The following TTN variants were observed in gnomAD, a reference collection of about 807,000 sequenced individuals.
The protein encoded by TTN is connectin.
Under a neutral mutation model 3,223.0 loss-of-function variants are expected in TTN, and 1,525 were observed. The observed-to-expected ratio is 0.47, with a 90% CI of 0.45 to 0.49. The LOEUF (loss-of-function observed/expected upper bound fraction) is 0.49, where lower values mean the gene tolerates loss of function less well. Ranked by LOEUF, TTN falls within the 20% of genes least tolerant of loss-of-function variation. TTN has a pLI of 0.00. For synonymous variants in TTN, 14,094 were observed against 15,161.0 expected, an observed-to-expected ratio of 0.93 and a Z score of 5.17; for missense variants, 40,786 against 43,424.0, an observed-to-expected ratio of 0.94 and a Z score of 5.40.
In TTN at chr2:178,543,244, T is replaced by G; in HGVS notation, c.96729A>C (p.Lys32243Asn). 2 of 1,613,848 alleles carry G rather than the reference T, an allele frequency of 1.2e-6. No homozygotes were observed. The highest frequency in any genetic ancestry group is 1.7e-6 in the Non-Finnish European group (2 of 1,179,796). The change falls in exon 347 of 363, where the codon AAA becomes AAC. Residue 32243 changes from lysine to asparagine, a missense_variant. Transcript: ENST00000589042. ...CCTTCATCCATCTCTCTGTGCCAGC[T>G]TTGCAGGCCTCGAGAACATATCCAG... ...RLTGYVLEAC[K>N]AGTERWMKVV...
In TTN at chr2:178,782,944, C is replaced by T; in HGVS notation, c.2962G>A (p.Asp988Asn). 2 of 1,614,098 alleles carry T rather than the reference C, an allele frequency of 1.2e-6. No individual in the cohort carries two copies. The highest frequency in any genetic ancestry group is 1.7e-6 in the Non-Finnish European group (2 of 1,179,994). The change falls in exon 18 of 363, where the codon GAC (aspartate) becomes AAC (asparagine). Residue 988 changes from aspartate (D) to asparagine (N), a missense_variant. By Grantham distance (23) the Asp-to-Asn change is conservative. Coordinates refer to ENST00000589042, the MANE Select transcript of TTN (RefSeq NM_001267550.2). ...REDYQIESSI[D>N]FQITFQSGIA... ...CCACTCTGGAAGGTTATCTGGAAGT[C>T]AATGGAACTTTCGATTTGGTAGTCT...
Position 178,587,739 on chromosome 2 carries a change from G to T in TTN, c.63570C>A (p.Cys21190Ter). ...TCACTATAGCAAAGAGACGAATAGG[G>T]CATCCTGCTCTCACTATGACCAGTT... The part of the protein sequence containing the change: ...MRKLVIVRAG[C>*]PIRLFAIVRG... Residue 21190 changes from cysteine to a stop codon, truncating the protein, a stop_gained, in exon 306 of 363, where the codon TGC becomes TGA. Transcript: ENST00000589042. LOFTEE classifies it high-confidence loss of function. The T allele has an allele frequency of 6.2e-7, 1 of 1,612,538 alleles. No individual in the cohort carries two copies. Among genetic ancestry groups the T allele is most frequent in the Non-Finnish European group, 8.5e-7 (1 of 1,179,196 alleles).
At chr2:178,622,909 A>T in intron 242 of TTN, 142 bp from the exon 243 acceptor site, 1 of 689,356 alleles carries the variant, frequency 1.5e-6, no homozygotes. Flanking sequence ...AAATCACTTG[A>T]AGCTGCCCAT....
At chr2:178,529,387 T>C in intron 359 of TTN, 168 bp from the exon 360 acceptor site, 1 of 488,752 alleles carries the variant, frequency 2.0e-6, no homozygotes, top group Non-Finnish European at 3.5e-6. Context: ...AATTATCATG[T>C]GTGACTTTTG....
Position 178,718,793 on chromosome 2 carries a change from T to C in TTN, c.24407A>G (p.Glu8136Gly). 1 of 1,613,712 alleles carries C rather than the reference T, an allele frequency of 6.2e-7. No individual in the cohort carries two copies. Among genetic ancestry groups the C allele is most frequent in the Non-Finnish European group, 8.5e-7 (1 of 1,179,734 alleles). Reference protein sequence around the residue: ...ISLEDFVTELELFEVQPLESG... With the variant: ...ISLEDFVTELGLFEVQPLESG... ...TTCTAATGGCTGCACCTCAAACAAC[T>C]CCAGTTCTGTGACAAAATCTTCCAG... Residue 8136 changes from glutamate to glycine, a missense_variant, in exon 84 of 363, where the codon GAG becomes GGG. Physicochemically the swap from Glu to Gly is moderately conservative, Grantham distance 98. Transcript: ENST00000589042.
rs957555800 is a variant in TTN at position 178,563,595 on chromosome 2, C to G, written c.82537G>C (p.Gly27513Arg). 2 of 1,613,760 alleles carry G rather than the reference C, an allele frequency of 1.2e-6. No homozygotes were observed. The highest frequency in any genetic ancestry group is 1.7e-6 in the Non-Finnish European group (2 of 1,179,764). The change falls in exon 326 of 363, where the codon GGC (glycine) becomes CGC (arginine). Residue 27513 changes from glycine (G) to arginine (R), a missense_variant. Coordinates refer to ENST00000589042, the MANE Select transcript of TTN (RefSeq NM_001267550.2). The surrounding 1 kb of genome is among the most constrained non-coding windows in gnomAD (Gnocchi z 4.5). ...TTGTTGCACTTGGTCCATCTAACGC[C>G]TTCCTTATCTCGTTTTTCAAGAATG... ...GYILEKRDKE[G>R]VRWTKCNKKT...
rs1701807349 is a variant in TTN, at chr2:178,557,154, TAAGAG to T, written c.88010-15_88010-11del. The stretch of plus-strand genomic sequence containing the variant: ...ACATTTCTTGGGGGTTCTGTGGTAA[TAAGAG>T]AAGCAGATTAGCGGCACTTATAATA... On this transcript the variant is annotated splice_polypyrimidine_tract_variant and intron_variant, in intron 329 of 362. Coordinates refer to ENST00000589042, the MANE Select transcript of TTN (RefSeq NM_001267550.2). 2 of 1,612,944 alleles carry T rather than the reference TAAGAG, an allele frequency of 1.2e-6. No homozygotes were observed. The highest frequency in any genetic ancestry group is 1.7e-5 in the Admixed American group (1 of 59,874).
At position 178,712,560 on chromosome 2, in the gene TTN, T is replaced by C. The variant is rs774681899; in HGVS notation, c.27362A>G (p.Tyr9121Cys). ...CAGGGGTTTTCCTTTCTCTATGCTG[T>C]AATCATTCAGCCTCTTCACAAATTT... is the stretch of plus-strand genomic sequence containing the variant. ...PAKFVKRLND[Y>C]SIEKGKPLIL... The change falls in exon 95 of 363, where the codon TAC (tyrosine) becomes TGC (cysteine). Residue 9121 changes from tyrosine (Y) to cysteine (C), a missense_variant. Physicochemically the swap from Tyr to Cys is radical, Grantham distance 194. Transcript: ENST00000589042. The C allele has an allele frequency of 1.3e-5, 21 of 1,613,074 alleles. No homozygotes were observed. Among genetic ancestry groups the C allele is most frequent in the Non-Finnish European group, 1.6e-5 (19 of 1,179,510 alleles).
rs1060503937 is a variant in TTN at position 178,535,479 on chromosome 2, C to G, written c.101136G>C (p.Glu33712Asp). 6.2e-7 allele frequency: 1 copy of G among 1,613,842 alleles called. No individual in the cohort carries two copies. Among genetic ancestry groups the G allele is most frequent in the South Asian group, 1.1e-5 (1 of 91,082 alleles). The change falls in exon 358 of 363, where the codon GAG (glutamate) becomes GAC (aspartate). Residue 33712 changes from glutamate to aspartate, a missense_variant. By Grantham distance (45) the Glu-to-Asp change is conservative. Transcript: ENST00000589042. The part of the protein sequence containing the change: ...SRDSVNLTWT[E>D]PASDGGSKIT... ...TTTTGCTGCCACCATCAGAGGCTGG[C>G]TCAGTCCATGTTAAGTTGACAGAAT...
chr2:178,587,841 G>A (rs750142806), intron 305 of TTN, 41 bp from the exon 306 acceptor site: 2 of 1,566,912 alleles, frequency 1.3e-6, no homozygotes, highest in Admixed American at 3.6e-5. Context: ...TTTTCAGAAT[G>A]TGGGGAAATC....
At chr2:178,644,877 C>A in intron 217 of TTN, 1 of 366,174 alleles carries the variant, frequency 2.7e-6, no homozygotes, top group Non-Finnish European at 4.8e-6. Flanking sequence ...AAGAAATTTT[C>A]CTTTAAGCAT....
chr2:178,714,861 G>T, intron 90 of TTN, 125 bp downstream of exon 90: 2 of 1,272,666 alleles, frequency 1.6e-6, no homozygotes, highest in South Asian at 1.5e-5. Context: ...AAAAGGACTT[G>T]GAGAGGAAAC....
intron 68 of TTN, 63 bp from the exon 69 acceptor site, chr2:178,727,434 A>T: frequency 1.3e-6 from 2 of 1,514,618 alleles, no homozygotes; most frequent in Non-Finnish European, 1.8e-6. Context: ...GTTAAATTAG[A>T]TAGTATACAG....
At chr2:178,557,215 T>C in intron 329 of TTN, 38 bp downstream of exon 329, 1 of 1,613,106 alleles carries the variant, frequency 6.2e-7, no homozygotes, top group Non-Finnish European at 8.5e-7. Context: ...ATTTGCATTT[T>C]TGTTATCAGA....
At chr2:178,789,956 C>A in intron 12 of TTN, 22 bp downstream of exon 12, 1 of 1,612,168 alleles carries the variant, frequency 6.2e-7, no homozygotes, top group Non-Finnish European at 8.5e-7. Context: ...GAACTTTTCA[C>A]AGCTCAAATA....
At chr2:178,690,791 T>TTA (rs1032604840) in intron 121 of TTN, among the ~76,000 whole-genome samples, 6 of 151,964 alleles carry the variant, frequency 3.9e-5, no homozygotes, top group South Asian at 2.1e-4. Context: ...CATGCAGTAT[T>TTA]TATATATATA....
Position 178,565,194 on chromosome 2 carries a change from C to G in TTN, c.80938G>C (p.Val26980Leu). Residue 26980 changes from valine to leucine, a missense_variant, in exon 326 of 363, where the codon GTT becomes CTT. Coordinates refer to ENST00000589042, the MANE Select transcript of TTN (RefSeq NM_001267550.2). ...TCTGCACTAACTTCATCAAACCGAA[C>G]TGGGCCAACTGGAGGTCCAGGCTTT... The part of the protein sequence containing the change: ...LEKPGPPVGP[V>L]RFDEVSADFV... The G allele has an allele frequency of 6.2e-7, 1 of 1,613,564 alleles. No individual in the cohort carries two copies. The highest frequency in any genetic ancestry group is 2.2e-5 in the East Asian group (1 of 44,822).
chr2:178,587,209 A>T lies in TTN; in HGVS notation c.64002T>A (p.Asn21334Lys), dbSNP rs765952193. ...CAGCAGTTACTCTGAAGTAATACTCATTCCCAGGGACAAGATTGGTTACAT... is the reference window on the plus strand; with the variant it reads ...CAGCAGTTACTCTGAAGTAATACTCTTTCCCAGGGACAAGATTGGTTACAT... Reference protein sequence around the residue: ...SFHVTNLVPGNEYYFRVTAVN... With the variant: ...SFHVTNLVPGKEYYFRVTAVN... Residue 21334 changes from asparagine to lysine, a missense_variant, in exon 307 of 363, where the codon AAT (asparagine) becomes AAA (lysine). Coordinates refer to ENST00000589042, the MANE Select transcript of TTN (RefSeq NM_001267550.2). 21 of 1,613,294 alleles carry T rather than the reference A, an allele frequency of 1.3e-5. No homozygotes were observed. The highest frequency in any genetic ancestry group is 1.6e-5 in the Non-Finnish European group (19 of 1,179,472).
At position 178,527,178 on chromosome 2, in the gene TTN, A is replaced by T; in HGVS notation, c.107810T>A (p.Ile35937Asn). The change falls in exon 363 of 363, where the codon ATC (isoleucine) becomes AAC (asparagine). Residue 35937 changes from isoleucine (I) to asparagine (N), a missense_variant. Physicochemically the swap from Ile to Asn is moderately radical, Grantham distance 149. Coordinates refer to ENST00000589042, the MANE Select transcript of TTN (RefSeq NM_001267550.2). ...EVTWSCGGRKIHSQEQGRFHI... is the reference protein window; with the variant it reads ...EVTWSCGGRKNHSQEQGRFHI... ...GAACCTCCCCTGTTCTTGACTGTGGATTTTTCTTCCACCACAGGACCATGT... is the reference window on the plus strand; with the variant it reads ...GAACCTCCCCTGTTCTTGACTGTGGTTTTTTCTTCCACCACAGGACCATGT... 6.2e-7 allele frequency: 1 copy of T among 1,613,862 alleles called. No homozygotes were observed. The highest frequency in any genetic ancestry group is 1.1e-5 in the South Asian group (1 of 91,078).
Sources: allele counts gnomAD v4.1 joint callset (sites outside exome capture counted in the v4.1 genomes callset), GRCh38; gene constraint gnomAD v4.1.1; non-coding constraint Gnocchi (gnomAD v3.1); transcripts MANE v1.5; gene names NCBI Gene and HGNC (gene_info 2026-07-23, HGNC 2026-07-21).